Variants in ZNF71 observed in about 807,000 individuals in gnomAD.
ZNF71 encodes the protein zinc finger protein 71.
A neutral mutation model predicts 6.7 loss-of-function variants in ZNF71; 3 were observed. The observed-to-expected ratio is 0.45, with a 90% CI of 0.20 to 1.16. The LOEUF (loss-of-function observed/expected upper bound fraction) is 1.16. ZNF71 is among the 50% of genes most tolerant of loss of function. The pLI is 0.25. For synonymous variants in ZNF71, 343 were observed against 311.1 expected, an observed-to-expected ratio of 1.10 and a Z score of -1.08; for missense variants, 688 against 728.6, an observed-to-expected ratio of 0.94 and a Z score of 0.64.
Position 56,598,632 on chromosome 19 carries a change from G to T in ZNF71, c.-52-2875G>T, listed in dbSNP as rs181788434. Reference sequence around the variant, plus strand: ...CATTCTTTGTTGTGGGGCCTGTCGCGTGCATCGTACAGTGTGTAGCAGCAT... The same window carrying T: ...CATTCTTTGTTGTGGGGCCTGTCGCTTGCATCGTACAGTGTGTAGCAGCAT... On this transcript the variant is annotated intron_variant, in intron 1 of 3. Coordinates refer to ENST00000599599, the MANE Select transcript of ZNF71 (RefSeq NM_001370215.1). This position sits in a 1 kb window ranked among gnomAD's most constrained non-coding sequence, Gnocchi z 4.2. 6.6e-6 allele frequency among the ~76,000 whole-genome samples: 1 copy of T among 152,214 alleles called. No individual in the cohort carries two copies. The highest frequency in any genetic ancestry group is 2.4e-5 in the African/African-American group (1 of 41,516).
chr19:56,621,787 T>A lies in ZNF71; in HGVS notation c.680T>A (p.Phe227Tyr). 1 of 1,614,024 alleles carries A rather than the reference T, an allele frequency of 6.2e-7. No individual in the cohort carries two copies. The highest frequency in any genetic ancestry group is 8.5e-7 in the Non-Finnish European group (1 of 1,180,016). ...GAGTGTGACACCTGTGGGAAGCACT[T>A]CATCGAGCGCTCGTCCCTCACCATC... ...PFECDTCGKH[F>Y]IERSSLTIHQ... The change falls in exon 4 of 4, where the codon TTC becomes TAC. Residue 227 changes from phenylalanine to tyrosine, a missense_variant. Phe to Tyr is a conservative substitution (Grantham distance 22). Coordinates refer to ENST00000599599, the MANE Select transcript of ZNF71 (RefSeq NM_001370215.1).
chr19:56,608,783 T>C (rs550533887), intron 2 of ZNF71, among the ~76,000 whole-genome samples: 1 of 152,344 alleles, frequency 6.6e-6, no homozygotes, highest in Non-Finnish European at 1.5e-5. Context: ...CTGATACAGC[T>C]GCTGTTCACA....
Position 56,613,874 on chromosome 19 carries a change from G to C in ZNF71, c.96G>C (p.Glu32Asp), listed in dbSNP as rs1003525146. ...DFTQEEWQQLEPAQKDLYRDV... is the reference protein window; with the variant it reads ...DFTQEEWQQLDPAQKDLYRDV... ...CCCAGGAGGAGTGGCAGCAGCTGGA[G>C]CCTGCCCAGAAGGACCTGTACAGGG... The change falls in exon 3 of 4, where the codon GAG becomes GAC. Residue 32 changes from glutamate to aspartate, a missense_variant. Glu to Asp is a conservative substitution (Grantham distance 45, BLOSUM62 2). Coordinates refer to ENST00000599599, the MANE Select transcript of ZNF71 (RefSeq NM_001370215.1). This position sits in a 1 kb window ranked among gnomAD's most constrained non-coding sequence, Gnocchi z 4.6. 2 of 1,116,414 alleles carry C rather than the reference G, an allele frequency of 1.8e-6. No individual in the cohort carries two copies. The highest frequency in any genetic ancestry group is 7.0e-5 in the Admixed American group (2 of 28,642). The allele number at this position is 1,116,414 out of a possible 1,614,324, so 69.2% of individuals were successfully genotyped here.
chr19:56,617,269 C>T (rs942481992), intron 3 of ZNF71, among the ~76,000 whole-genome samples: 1 of 152,110 alleles, frequency 6.6e-6, no homozygotes, highest in Non-Finnish European at 1.5e-5. Flanking sequence ...TGCCACCACA[C>T]CCAGCTAATT....
intron 3 of ZNF71, among the ~76,000 whole-genome samples, chr19:56,620,442 C>G (rs571834491): frequency 6.6e-6 from 1 of 152,046 alleles, no homozygotes; most frequent in African/African-American, 2.4e-5. Flanking sequence ...GAAAGTGGGT[C>G]GAAGGAGTAG....
At chr19:56,599,188 G>A (rs1207230864) in intron 1 of ZNF71, among the ~76,000 whole-genome samples, 15 of 152,140 alleles carry the variant, frequency 9.9e-5, no homozygotes, top group Non-Finnish European at 2.2e-4. Flanking sequence ...TCCAGTCAGA[G>A]GTGTTGGTGG....
chr19:56,621,290 G>C lies in ZNF71; in HGVS notation c.183G>C (p.Met61Ile), dbSNP rs1181466915. 2 of 1,518,532 alleles carry C rather than the reference G, an allele frequency of 1.3e-6. No individual in the cohort carries two copies. The highest frequency in any genetic ancestry group is 1.8e-6 in the Non-Finnish European group (2 of 1,134,744). The allele number at this position is 1,518,532 out of a possible 1,614,324, so 94.1% of individuals were successfully genotyped here. The stretch of plus-strand genomic sequence containing the variant: ...CAGACTGGGAGACTAGACCTGAAAT[G>C]AAAGAGTTGGATCCAAAGAATGACA... ...VSLDWETRPE[M>I]KELDPKNDIS... The change falls in exon 4 of 4, where the codon ATG (methionine) becomes ATC (isoleucine). Residue 61 changes from methionine to isoleucine, a missense_variant. By Grantham distance (10) the Met-to-Ile change is conservative. Transcript: ENST00000599599.
intron 2 of ZNF71, among the ~76,000 whole-genome samples, chr19:56,609,486 C>T (rs1335080019): frequency 6.6e-6 from 1 of 152,168 alleles, no homozygotes; most frequent in Non-Finnish European, 1.5e-5. Context: ...AACCACACAT[C>T]TACCTTCATT....
Position 56,601,569 on chromosome 19 carries a change from A to C in ZNF71, c.11A>C (p.Gln4Pro). ...GTGGGCAGCAGAGGGATGGCTGCTC[A>C]GCTGCTGACTGATGAGGCACTGGTG... is the stretch of plus-strand genomic sequence containing the variant. MAA[Q>P]LLTDEALESV... Residue 4 changes from glutamine to proline, a missense_variant, in exon 2 of 4, where the codon CAG (glutamine) becomes CCG (proline). Physicochemically the swap from Gln to Pro is moderately conservative, Grantham distance 76 (BLOSUM62 -1). Coordinates refer to ENST00000599599, the MANE Select transcript of ZNF71 (RefSeq NM_001370215.1). 2.0e-6 allele frequency: 2 copies of C among 985,776 alleles called. No homozygotes were observed. Among genetic ancestry groups the C allele is most frequent in the Non-Finnish European group, 2.4e-6 (2 of 830,000 alleles). 61.1% of individuals were successfully genotyped at this position (985,776 alleles called of 1,614,324 possible).
At chr19:56,614,282 CA>C (rs2044774000) in intron 3 of ZNF71, among the ~76,000 whole-genome samples, 1 of 152,098 alleles carries the variant, frequency 6.6e-6, no homozygotes, top group South Asian at 2.1e-4. Context: ...TGGAGACACA[CA>C]AATTGAGGTA....
intron 1 of ZNF71, among the ~76,000 whole-genome samples, chr19:56,596,754 A>G (rs560022604): frequency 1.3e-5 from 2 of 152,284 alleles, no homozygotes; most frequent in South Asian, 4.1e-4. Context: ...ACCCAAGGCT[A>G]CCTCAGGCAT....
At position 56,624,204 on chromosome 19, in the gene ZNF71, G is replaced by T. The variant is rs2044890637; in HGVS notation, c.*1447G>T. 6.1e-6 allele frequency: 1 copy of T among 164,492 alleles called. No homozygotes were observed. 10.2% of individuals were successfully genotyped at this position (164,492 alleles called of 1,614,324 possible). A position where few individuals can be genotyped will look rare whatever the true frequency, so the allele number is the denominator to read the frequency against. On this transcript the variant is annotated 3_prime_UTR_variant, in exon 4 of 4. Transcript: ENST00000599599. ...AAAATTATATCAGCAAGCACATTCT[G>T]CAAATAAGAAAAACAGCCACTCGGG...
intron 2 of ZNF71, among the ~76,000 whole-genome samples, chr19:56,601,805 C>T (rs2044672915): frequency 6.6e-6 from 1 of 152,088 alleles, no homozygotes; most frequent in African/African-American, 2.4e-5. Flanking sequence ...AACTAGCTCT[C>T]TGGACTCTTA....
chr19:56,596,479 G>T (rs900787388), intron 1 of ZNF71, among the ~76,000 whole-genome samples: 1 of 152,066 alleles, frequency 6.6e-6, no homozygotes, highest in African/African-American at 2.4e-5. Flanking sequence ...GAGGCGTAGG[G>T]GCCTGGGAGT....
intron 2 of ZNF71, among the ~76,000 whole-genome samples, chr19:56,602,081 T>C (rs1260757797): frequency 6.6e-6 from 1 of 152,166 alleles, no homozygotes; most frequent in Non-Finnish European, 1.5e-5. Context: ...TAAAGATTGC[T>C]TTTTCATCAG....
intron 3 of ZNF71, among the ~76,000 whole-genome samples, chr19:56,616,152 A>G (rs918670609): frequency 1.3e-5 from 2 of 152,138 alleles, no homozygotes; most frequent in African/African-American, 4.8e-5. Flanking sequence ...TGTAAGTTAT[A>G]TAGTTTTAGG....
chr19:56,612,788 T>C (rs779994073), intron 2 of ZNF71, among the ~76,000 whole-genome samples: 6 of 152,174 alleles, frequency 3.9e-5, no homozygotes, highest in Admixed American at 6.5e-5. Context: ...ATTTTAAAAA[T>C]TGAAAAACAA....
At position 56,621,459 on chromosome 19, in the gene ZNF71, C is replaced by A. The variant is rs758985174; in HGVS notation, c.352C>A (p.Pro118Thr). Reference protein sequence around the residue: ...PRGDAGAEWEPLGIPQGNKLL... With the variant: ...PRGDAGAEWETLGIPQGNKLL... ...GGGAGATGCAGGTGCAGAGTGGGAGCCATTGGGAATTCCCCAGGGGAACAA... is the reference window on the plus strand; with the variant it reads ...GGGAGATGCAGGTGCAGAGTGGGAGACATTGGGAATTCCCCAGGGGAACAA... The change falls in exon 4 of 4, where the codon CCA becomes ACA. Residue 118 changes from proline to threonine, a missense_variant. Transcript: ENST00000599599. 1.9e-6 allele frequency: 3 copies of A among 1,613,930 alleles called. No individual in the cohort carries two copies. In the South Asian group the frequency reaches 3.3e-5, roughly 18 times the overall value.
At chr19:56,619,937 G>C (rs2044830165) in intron 3 of ZNF71, among the ~76,000 whole-genome samples, 1 of 152,170 alleles carries the variant, frequency 6.6e-6, no homozygotes, top group African/African-American at 2.4e-5. Context: ...AAATGAACAG[G>C]ATACACGTGG....
Sources: allele counts gnomAD v4.1 joint callset (sites outside exome capture counted in the v4.1 genomes callset), GRCh38; gene constraint gnomAD v4.1.1; non-coding constraint Gnocchi (gnomAD v3.1); transcripts MANE v1.5; gene names NCBI Gene and HGNC (gene_info 2026-07-23, HGNC 2026-07-21).